The following IL1RN variants were observed in gnomAD, a reference collection of about 807,000 sequenced individuals.
IL1RN encodes the protein interleukin-1 receptor antagonist protein.
IL1RN carries 10 observed loss-of-function variants against 13.7 expected under a neutral mutation model. That is an observed-to-expected ratio of 0.73 (90% CI 0.45 to 1.24). The LOEUF is 1.24. Among genes scored for constraint, IL1RN ranks in the 50% most tolerant of loss-of-function variants. The pLI, the probability that IL1RN is intolerant of heterozygous loss-of-function variation, is 0.00. For synonymous variants in IL1RN, 102 were observed against 82.7 expected, an observed-to-expected ratio of 1.23 and a Z score of -1.27; for missense variants, 213 against 222.1, an observed-to-expected ratio of 0.96 and a Z score of 0.26.
chr2:113,132,908 C>T lies in IL1RN; in HGVS notation c.*37C>T. ...CCTGCCTGTTCCCATTCTTGCATGG[C>T]AAGGACTGCAGGGACTGCCAGTCCC... On this transcript the variant is annotated 3_prime_UTR_variant, in exon 4 of 4. Transcript: ENST00000409930. The T allele has an allele frequency of 6.3e-7, 1 of 1,594,872 alleles. No homozygotes were observed. Among genetic ancestry groups the T allele is most frequent in the Middle Eastern group, 1.7e-4 (1 of 6,020 alleles).
In IL1RN at chr2:113,127,791, G is replaced by A. The variant is rs544981634; in HGVS notation, c.116+51G>A. On this transcript the variant is annotated intron_variant, in intron 1 of 3. Coordinates refer to ENST00000409930, the MANE Select transcript of IL1RN (RefSeq NM_173842.3). ...GTGAGGGTGGATCAGCTGGAGACTG[G>A]AAACATATCACAGCTGCCAGGGGCT... 2.8e-5 allele frequency: 45 copies of A among 1,582,038 alleles called. No individual in the cohort carries two copies. The South Asian group carries it at 4.9e-4, about 17-fold the overall frequency.
intron 2 of IL1RN, 109 bp from the exon 3 acceptor site, chr2:113,130,935 CG>C: frequency 1.3e-6 from 1 of 754,398 alleles, no homozygotes; most frequent in Non-Finnish European, 2.4e-6. Flanking sequence ...CTTCTGACCT[CG>C]GGATTTTAGT....
upstream of IL1RN, among the ~76,000 whole-genome samples, chr2:113,116,737 C>T (rs2104430923): frequency 6.6e-6 from 1 of 152,348 alleles, no homozygotes; most frequent in East Asian, 1.9e-4. Flanking sequence ...AGCCAGTAGG[C>T]TGGTCTGCTC....
chr2:113,127,511 G>A (rs1485668598), upstream of IL1RN: 14 of 1,476,626 alleles, frequency 9.5e-6, no homozygotes, highest in East Asian at 2.0e-4. Context: ...GGGTATTTCC[G>A]CTTCTCGCAG....
upstream of IL1RN, among the ~76,000 whole-genome samples, chr2:113,125,355 C>G (rs1306106590): frequency 6.6e-6 from 1 of 152,148 alleles, no homozygotes; most frequent in African/African-American, 2.4e-5. Context: ...AATGAATAAA[C>G]AAAATTCTTC....
upstream of IL1RN, among the ~76,000 whole-genome samples, chr2:113,114,473 T>C (rs913109772): frequency 6.6e-6 from 1 of 152,278 alleles, no homozygotes; most frequent in Admixed American, 6.5e-5. Context: ...CAGCTGGGTC[T>C]GTGAGTTGTG....
At chr2:113,103,380 G>A (rs1686342943), upstream of IL1RN, among the ~76,000 whole-genome samples, 1 of 152,246 alleles carries the variant, frequency 6.6e-6, no homozygotes, top group South Asian at 2.1e-4. Flanking sequence ...CTCTCCTGGA[G>A]TATCCAGTTG....
intron 2 of IL1RN, among the ~76,000 whole-genome samples, chr2:113,121,102 C>CTCTTCCTCT (rs965277631): frequency 7.0e-6 from 1 of 141,988 alleles, no homozygotes; most frequent in African/African-American, 2.6e-5. Flanking sequence ...CTTCCTCTTC[C>CTCTTCCTCT]TCTTCCTCTT....
chr2:113,114,813 G>A (rs373995842), upstream of IL1RN, among the ~76,000 whole-genome samples: 1 of 152,270 alleles, frequency 6.6e-6, no homozygotes, highest in South Asian at 2.1e-4. Context: ...CCTGCCCTGG[G>A]AGACAGATAT....
the IL1RN span, among the ~76,000 whole-genome samples, chr2:113,099,723 CTTTTCT>C: frequency 7.8e-4 from 56 of 72,194 alleles, no homozygotes; most frequent in South Asian, 1.6e-3. Context: ...CCTCTTCTTT[CTTTTCT>C]TTTTTTTTTT....
the IL1RN span, among the ~76,000 whole-genome samples, chr2:113,100,126 T>C: frequency 6.9e-6 from 1 of 145,136 alleles, no homozygotes; most frequent in Admixed American, 6.8e-5. Flanking sequence ...ATCAAGACCA[T>C]CCTGGCTAAC....
At chr2:113,108,279 C>T (rs1216551107), upstream of IL1RN, among the ~76,000 whole-genome samples, 1 of 151,302 alleles carries the variant, frequency 6.6e-6, no homozygotes, top group Admixed American at 6.6e-5. Context: ...TATTATTATA[C>T]TTTAAGTTTT....
At chr2:113,121,358 G>A in intron 2 of IL1RN, 1 of 638,246 alleles carries the variant, frequency 1.6e-6, no homozygotes, top group Non-Finnish European at 1.9e-6. Context: ...GTGTGAAAGT[G>A]TAACACAGAG....
the IL1RN span, among the ~76,000 whole-genome samples, chr2:113,102,185 T>C: frequency 6.6e-6 from 1 of 152,228 alleles, no homozygotes; most frequent in Non-Finnish European, 1.5e-5. Context: ...CTGGAGGCTG[T>C]GATCAAGTCT....
At chr2:113,121,026 C>CTTA (rs1297491406) in intron 2 of IL1RN, among the ~76,000 whole-genome samples, 1 of 134,676 alleles carries the variant, frequency 7.4e-6, no homozygotes, top group East Asian at 2.2e-4. Flanking sequence ...TTCTCCTCTT[C>CTTA]TTCTTCTTCT....
Position 113,127,703 on chromosome 2 carries a change from C to G in IL1RN, c.79C>G (p.Pro27Ala), listed in dbSNP as rs747206860. 4 of 1,613,956 alleles carry G rather than the reference C, an allele frequency of 2.5e-6. 1 individual carries two copies. The Admixed American group carries it at 6.7e-5, about 27-fold the overall frequency. Residue 27 changes from proline to alanine, a missense_variant, in exon 1 of 4, where the codon CCC becomes GCC. By Grantham distance (27) the Pro-to-Ala change is conservative. Transcript: ENST00000409930. ...GTTCCATTCAGAGACGATCTGCCGACCCTCTGGGAGAAAATCCAGCAAGAT... is the reference window on the plus strand; with the variant it reads ...GTTCCATTCAGAGACGATCTGCCGAGCCTCTGGGAGAAAATCCAGCAAGAT... ...FLFHSETICR[P>A]SGRKSSKMQA...
chr2:113,105,379 C>T (rs111698126), upstream of IL1RN, among the ~76,000 whole-genome samples: 481 of 152,270 alleles, frequency 3.2e-3, 2 homozygotes, highest in African/African-American at 9.8e-3. Context: ...TTTGGGCTTA[C>T]TTATCATCCT....
upstream of IL1RN, among the ~76,000 whole-genome samples, chr2:113,114,411 C>T (rs1239162875): frequency 7.7e-5 from 2 of 26,082 alleles, no homozygotes; most frequent in East Asian, 2.6e-4. Context: ...AGCTGCCCAC[C>T]GTTAAGTCCA....
chr2:113,110,473 C>T (rs1232918666), upstream of IL1RN, among the ~76,000 whole-genome samples: 1 of 152,166 alleles, frequency 6.6e-6, no homozygotes, highest in African/African-American at 2.4e-5. Flanking sequence ...CAAAGACATT[C>T]ACCTCTCACA....
Sources: gnomAD v4.1 joint callset for allele counts (sites outside exome capture counted in the v4.1 genomes callset) on GRCh38, gnomAD v4.1.1 for gene constraint, MANE v1.5 for transcripts, NCBI Gene and HGNC (gene_info 2026-07-23, HGNC 2026-07-21) for gene names.